Variants in DCAF6 observed in about 807,000 individuals in gnomAD.
The protein encoded by DCAF6 is DDB1 and CUL4 associated factor 6, also known as DDB1- and CUL4-associated factor 6.
In DCAF6, 54 loss-of-function variants were observed where a neutral mutation model predicts 125.1. The observed-to-expected ratio is 0.43, with a 90% CI of 0.35 to 0.54. The LOEUF (loss-of-function observed/expected upper bound fraction) is 0.54. Ranked by LOEUF, DCAF6 falls within the 20% of genes least tolerant of loss-of-function variation. The pLI is 0.01. For missense variants in DCAF6, 934 were observed against 1,161.7 expected (o/e 0.80, Z 2.85); for synonymous variants, 371 against 390.4 (o/e 0.95, Z 0.58).
chr1:168,070,569 T>C (rs1692901934), intron 21 of DCAF6, among the ~76,000 whole-genome samples: 2 of 152,190 alleles, frequency 1.3e-5, no homozygotes, highest in Non-Finnish European at 2.9e-5. Flanking sequence ...GTAGGGGTTT[T>C]ACAAACTACA....
intron 12 of DCAF6, among the ~76,000 whole-genome samples, chr1:168,027,944 A>G (rs1182123951): frequency 6.6e-6 from 1 of 152,134 alleles, no homozygotes. Context: ...AGGGAAATAA[A>G]TGTATAACAT....
chr1:168,009,050 G>C (rs1683798013), intron 10 of DCAF6, among the ~76,000 whole-genome samples: 1 of 148,078 alleles, frequency 6.8e-6, no homozygotes, highest in African/African-American at 2.5e-5. Flanking sequence ...CCAGGCTGGA[G>C]TGCAGTGGCG....
intron 7 of DCAF6, among the ~76,000 whole-genome samples, chr1:167,998,940 A>G (rs1309584242): frequency 3.3e-5 from 5 of 152,106 alleles, no homozygotes; most frequent in Admixed American, 6.5e-5. Flanking sequence ...ACGAATCACA[A>G]AAGTTCTTAA....
intron 12 of DCAF6, among the ~76,000 whole-genome samples, chr1:168,035,683 ATAATC>A (rs66750894): frequency 0.029 from 4,433 of 152,308 alleles, 218 homozygotes; most frequent in African/African-American, 0.1. Flanking sequence ...TCTATCAACT[ATAATC>A]AATCATTTTA....
chr1:167,952,630 T>C (rs1674141969), intron 2 of DCAF6, among the ~76,000 whole-genome samples: 1 of 152,186 alleles, frequency 6.6e-6, no homozygotes, highest in Admixed American at 6.5e-5. Flanking sequence ...CTCAGCTGAC[T>C]CCTCCGCATA....
chr1:167,914,947 C>G, the DCAF6 span, among the ~76,000 whole-genome samples: 2 of 152,166 alleles, frequency 1.3e-5, no homozygotes, highest in Non-Finnish European at 2.9e-5. Flanking sequence ...AGTGAATTTT[C>G]TGGTGTGAGT....
intron 12 of DCAF6, chr1:168,024,059 A>G (rs1686006992): frequency 6.6e-6 from 1 of 151,918 alleles, no homozygotes; most frequent in African/African-American, 2.4e-5. Flanking sequence ...TTAAAAAAAA[A>G]AAAATTAATT....
At chr1:168,039,960 A>G (rs1688316124) in intron 13 of DCAF6, among the ~76,000 whole-genome samples, 2 of 152,010 alleles carry the variant, frequency 1.3e-5, no homozygotes, top group African/African-American at 4.8e-5. Context: ...AGTGAAATAA[A>G]GTACTTAAAA....
intron 10 of DCAF6, among the ~76,000 whole-genome samples, chr1:168,011,383 T>TG (rs1684263405): frequency 6.6e-6 from 1 of 152,184 alleles, no homozygotes; most frequent in Non-Finnish European, 1.5e-5. Flanking sequence ...CCCAAAATGC[T>TG]GGGATTACAG....
intron 1 of DCAF6, among the ~76,000 whole-genome samples, chr1:167,943,575 A>G (rs1490843024): frequency 6.6e-6 from 1 of 152,206 alleles, no homozygotes; most frequent in African/African-American, 2.4e-5. Context: ...TTACATGCAT[A>G]GATTATGCTG....
At chr1:167,966,949 C>T (rs1676505767) in intron 3 of DCAF6, among the ~76,000 whole-genome samples, 1 of 151,994 alleles carries the variant, frequency 6.6e-6, no homozygotes, top group African/African-American at 2.4e-5. Flanking sequence ...TTTAAATATA[C>T]TTTATTTAAA....
At chr1:168,017,363 G>C (rs1319484331) in intron 11 of DCAF6, among the ~76,000 whole-genome samples, 2 of 151,890 alleles carry the variant, frequency 1.3e-5, no homozygotes, top group African/African-American at 4.8e-5. Context: ...AAATTTAGCA[G>C]ATTACAAACT....
At chr1:168,046,926 A>G (rs1174180405) in intron 16 of DCAF6, among the ~76,000 whole-genome samples, 4 of 152,220 alleles carry the variant, frequency 2.6e-5, no homozygotes, top group East Asian at 1.9e-4. Context: ...TTAAGTGCCC[A>G]GTTTCTAGTA....
chr1:167,989,665 C>T lies in DCAF6; in HGVS notation c.553-1539C>T, dbSNP rs541688277. 7.0e-4 allele frequency among the ~76,000 whole-genome samples: 107 copies of T among 152,116 alleles called. 1 individual carries two copies. The highest frequency in any genetic ancestry group is 4.4e-4 in the Non-Finnish European group (30 of 67,962). ...TGGGAGGCTGAGGCGGGCAGATCACCTGAGGTTAGGAGTTCGAGACCAGCC... is the reference window on the plus strand; with the variant it reads ...TGGGAGGCTGAGGCGGGCAGATCACTTGAGGTTAGGAGTTCGAGACCAGCC... On this transcript the variant is annotated intron_variant, in intron 5 of 21. Coordinates refer to ENST00000367840, the MANE Select transcript of DCAF6 (RefSeq NM_001198956.2).
chr1:167,920,704 C>T, the DCAF6 span: 3 of 1,434,854 alleles, frequency 2.1e-6, no homozygotes, highest in South Asian at 1.4e-5. Flanking sequence ...AAATCAAGCA[C>T]AAGACATTTT....
upstream of DCAF6, among the ~76,000 whole-genome samples, chr1:167,935,399 A>G (rs1200957492): frequency 2.0e-5 from 3 of 152,174 alleles, no homozygotes; most frequent in African/African-American, 7.2e-5. Context: ...AGAGAAAGAG[A>G]ATGAGTGTTT....
chr1:168,053,688 A>G (rs1158434562), intron 17 of DCAF6, among the ~76,000 whole-genome samples: 2 of 152,172 alleles, frequency 1.3e-5, no homozygotes, highest in Admixed American at 1.3e-4. Context: ...CTCAAAATCC[A>G]GGGTGTTTAC....
At chr1:167,955,281 G>T (rs2102743259) in intron 2 of DCAF6, among the ~76,000 whole-genome samples, 1 of 152,142 alleles carries the variant, frequency 6.6e-6, no homozygotes, top group East Asian at 1.9e-4. Context: ...ATTCTTTTTT[G>T]ATAAATACCT....
At chr1:168,002,431 G>C (rs756637001) in intron 7 of DCAF6, 51 bp from the exon 8 acceptor site, 7 of 1,465,410 alleles carry the variant, frequency 4.8e-6, no homozygotes, top group Non-Finnish European at 6.7e-6. Context: ...TAAGAGTTGA[G>C]AGTAGATGAG....
Sources: allele counts gnomAD v4.1 joint callset (sites outside exome capture counted in the v4.1 genomes callset), GRCh38; gene constraint gnomAD v4.1.1; transcripts MANE v1.5; gene names NCBI Gene and HGNC (gene_info 2026-07-23, HGNC 2026-07-21).